The following CUX1 variants were observed in gnomAD, a reference collection of about 807,000 sequenced individuals.
CUX1 encodes cut like homeobox 1.
A neutral mutation model predicts 158.8 loss-of-function variants in CUX1; 31 were observed. The observed-to-expected ratio is 0.20, with a 90% CI of 0.15 to 0.26. CUX1 has a LOEUF of 0.26. Ranked by LOEUF, CUX1 falls within the 10% of genes least tolerant of loss-of-function variation. CUX1 has a pLI of 1.00. For synonymous variants in CUX1, 879 were observed against 862.1 expected, an observed-to-expected ratio of 1.02 and a Z score of -0.34; for missense variants, 1,589 against 2,014.6, an observed-to-expected ratio of 0.79 and a Z score of 4.04.
At chr7:101,899,545 T>A (rs1232127457) in intron 1 of CUX1, among the ~76,000 whole-genome samples, 2 of 151,908 alleles carry the variant, frequency 1.3e-5, no homozygotes, top group Non-Finnish European at 2.9e-5. Context: ...TGATTCTGTC[T>A]CAAAAAAATA....
At chr7:102,125,596 C>T (rs1193966499) in intron 8 of CUX1, 2 of 150,234 alleles carry the variant, frequency 1.3e-5, no homozygotes, top group African/African-American at 2.4e-5. Flanking sequence ...TGAAGAGACG[C>T]GGGAAGGCTG....
intron 8 of CUX1, among the ~76,000 whole-genome samples, chr7:102,147,919 T>A (rs1208431280): frequency 2.0e-5 from 3 of 152,028 alleles, no homozygotes; most frequent in Non-Finnish European, 4.4e-5. Flanking sequence ...GAGGTTACAG[T>A]GAACCGAGAT....
At chr7:102,216,614 ACT>A (rs1797152940) in intron 20 of CUX1, among the ~76,000 whole-genome samples, 1 of 28,746 alleles carries the variant, frequency 3.5e-5, no homozygotes, top group Non-Finnish European at 6.9e-5. Context: ...ACACACACAC[ACT>A]CCCCACACAC....
intron 10 of CUX1, among the ~76,000 whole-genome samples, chr7:102,171,513 T>G (rs1303234662): frequency 6.6e-6 from 1 of 150,994 alleles, no homozygotes; most frequent in Non-Finnish European, 1.5e-5. Context: ...AGTGGCGCAG[T>G]CTTGGCTCAC....
chr7:102,019,259 A>G lies in CUX1; in HGVS notation c.142-8839A>G, dbSNP rs548897500. Among the ~76,000 whole-genome samples, 12 of 149,766 alleles carry G rather than the reference A, an allele frequency of 8.0e-5. No individual in the cohort carries two copies. The East Asian group carries it at 2.4e-3, about 30-fold the overall frequency. ...TGTTTGTTTTTTGAGACATAGTCTC[A>G]TTCTGTTGCCCAGGCTGGAGTGCAG... On this transcript the variant is annotated intron_variant, in intron 2 of 23. Coordinates refer to ENST00000292535, the MANE Select transcript of CUX1 (RefSeq NM_181552.4).
intron 1 of CUX1, among the ~76,000 whole-genome samples, chr7:101,901,515 G>A (rs904628978): frequency 2.6e-5 from 4 of 152,122 alleles, no homozygotes; most frequent in East Asian, 3.9e-4. Flanking sequence ...GGCTGGTCTC[G>A]AACTCCTGAC....
chr7:102,081,454 C>T (rs1351576478), intron 4 of CUX1, among the ~76,000 whole-genome samples: 3 of 146,340 alleles, frequency 2.1e-5, no homozygotes, highest in Non-Finnish European at 3.1e-5. Flanking sequence ...TCACGAGATC[C>T]GATGGTTTTA....
chr7:102,193,882 G>A lies in CUX1; in HGVS notation c.1117G>A (p.Gly373Arg). 6.2e-7 allele frequency: 1 copy of A among 1,614,062 alleles called. No homozygotes were observed. The highest frequency in any genetic ancestry group is 8.5e-7 in the Non-Finnish European group (1 of 1,179,984). Reference protein sequence around the residue: ...SMEFAPSEGAGTQDAAKPLEV... With the variant: ...SMEFAPSEGARTQDAAKPLEV... ...GGAGTTTGCACCGTCCGAGGGCGCT[G>A]GGACACAGGTACGTGTCTCACCTCA... Residue 373 changes from glycine (G) to arginine (R), a missense_variant, in exon 13 of 24, where the codon GGG becomes AGG. This residue lies in a region of CUX1 where 515 missense variants were observed against 574.4 expected (regional missense o/e 0.90). Coordinates refer to ENST00000292535, the MANE Select transcript of CUX1 (RefSeq NM_181552.4).
At chr7:102,162,626 C>T (rs1790571647) in intron 9 of CUX1, among the ~76,000 whole-genome samples, 1 of 152,164 alleles carries the variant, frequency 6.6e-6, no homozygotes, top group South Asian at 2.1e-4. Context: ...GCGATCTGCC[C>T]ACCTCGGCCT....
At chr7:102,041,932 G>T (rs561109163) in intron 3 of CUX1, among the ~76,000 whole-genome samples, 4 of 152,022 alleles carry the variant, frequency 2.6e-5, no homozygotes, top group African/African-American at 9.7e-5. Context: ...AGGATTTGGC[G>T]CTATCTCTCC....
intron 2 of CUX1, among the ~76,000 whole-genome samples, chr7:101,963,059 AGTAAACAACTT>A (rs1423708773): frequency 6.6e-6 from 1 of 152,174 alleles, no homozygotes; most frequent in Non-Finnish European, 1.5e-5. Context: ...CAAGTTGTAA[AGTAAACAACTT>A]GTGCTTTTCT....
chr7:102,005,859 T>C (rs983586052), intron 2 of CUX1, among the ~76,000 whole-genome samples: 3 of 152,212 alleles, frequency 2.0e-5, no homozygotes, highest in African/African-American at 7.2e-5. Flanking sequence ...TTCGATGAAG[T>C]AAGAGCAGCT....
intron 20 of CUX1, among the ~76,000 whole-genome samples, chr7:102,209,096 G>A (rs890008415): frequency 8.1e-4 from 123 of 152,274 alleles, no homozygotes; most frequent in African/African-American, 2.7e-3. Flanking sequence ...GAGTGGCCTC[G>A]CCCATCTGAA....
chr7:102,215,159 G>A (rs531951071), intron 20 of CUX1, among the ~76,000 whole-genome samples: 6 of 150,546 alleles, frequency 4.0e-5, no homozygotes, highest in East Asian at 2.0e-4. Flanking sequence ...AAAACACCTC[G>A]TGAATGTGGA....
intron 10 of CUX1, among the ~76,000 whole-genome samples, chr7:102,177,974 CCTT>C (rs1262697284): frequency 3.3e-5 from 5 of 152,150 alleles, no homozygotes; most frequent in South Asian, 2.1e-4. Flanking sequence ...CTCAGCGCAA[CCTT>C]CTTCTCCCGA....
chr7:101,906,465 T>TG (rs1802768515), intron 1 of CUX1, among the ~76,000 whole-genome samples: 1 of 151,874 alleles, frequency 6.6e-6, no homozygotes, highest in African/African-American at 2.4e-5. Context: ...CCCTGTTCTC[T>TG]GGGGACACTA....
rs541208966 is a variant in CUX1 at position 101,910,330 on chromosome 7, A to G, written c.31-5785A>G. ...TCCAGCTAATTTTTGTATTTTTTGTAGAGATGGGGTTTTGCCATGTTGGCA... is the reference window on the plus strand; with the variant it reads ...TCCAGCTAATTTTTGTATTTTTTGTGGAGATGGGGTTTTGCCATGTTGGCA... On this transcript the variant is annotated intron_variant, in intron 1 of 23. Transcript: ENST00000292535. Among the ~76,000 whole-genome samples the G allele has an allele frequency of 4.6e-5, 7 of 152,132 alleles. No individual in the cohort carries two copies. The South Asian group carries it at 1.5e-3, about 32-fold the overall frequency.
At chr7:102,197,446 C>G in intron 15 of CUX1, 141 bp downstream of exon 15, 1 of 1,037,632 alleles carries the variant, frequency 9.6e-7, no homozygotes, top group Admixed American at 2.4e-5. Flanking sequence ...GCTTCTGCCA[C>G]GTCCAGAGCT....
chr7:102,115,081 T>G, intron 7 of CUX1, 126 bp from the exon 8 acceptor site: 1 of 774,250 alleles, frequency 1.3e-6, no homozygotes, highest in Non-Finnish European at 2.1e-6. Flanking sequence ...GTGTTTTTAA[T>G]CTTTATTTTT....
Sources: allele counts gnomAD v4.1 joint callset (sites outside exome capture counted in the v4.1 genomes callset), GRCh38; gene constraint gnomAD v4.1.1; regional missense constraint gnomAD v4.1.1; transcripts MANE v1.5; gene names NCBI Gene and HGNC (gene_info 2026-07-23, HGNC 2026-07-21).